ENOX1: variants seen among roughly 807,000 people sequenced by gnomAD.
ENOX1 encodes candidate growth-related and time keeping constitutive hydroquinone (NADH) oxidase.
Under a neutral mutation model 82.5 loss-of-function variants are expected in ENOX1, and 42 were observed. The observed-to-expected ratio is 0.51, with a 90% CI of 0.40 to 0.66. ENOX1 has a LOEUF of 0.66. Ranked by LOEUF, ENOX1 falls within the 30% of genes least tolerant of loss-of-function variation. The pLI is 0.00. For synonymous variants in ENOX1, 271 were observed against 282.2 expected (o/e 0.96, Z 0.40); for missense variants, 608 against 811.6 (o/e 0.75, Z 3.05).
At chr13:43,274,030 C>T in intron 12 of ENOX1, among the ~76,000 whole-genome samples, 1 of 152,080 alleles carries the variant, frequency 6.6e-6, no homozygotes, top group East Asian at 1.9e-4. Context: ...CCCACCAAAA[C>T]AACAAAAACA....
intron 2 of ENOX1, among the ~76,000 whole-genome samples, chr13:43,509,984 A>G (rs1346726160): frequency 6.6e-6 from 1 of 152,032 alleles, no homozygotes; most frequent in Non-Finnish European, 1.5e-5. Context: ...AGGGCTCAGA[A>G]AGTTTCATGA....
At chr13:43,478,392 T>C (rs565307054) in intron 3 of ENOX1, among the ~76,000 whole-genome samples, 26 of 152,212 alleles carry the variant, frequency 1.7e-4, no homozygotes, top group Admixed American at 2.6e-4. Flanking sequence ...ATACAGCTAG[T>C]AGTGCATTTC....
chr13:43,542,031 C>G (rs1417156288), intron 2 of ENOX1, among the ~76,000 whole-genome samples: 1 of 152,200 alleles, frequency 6.6e-6, no homozygotes, highest in African/African-American at 2.4e-5. Context: ...ATCCCCTCAG[C>G]AATCAATCTG....
chr13:43,719,268 C>T (rs2088381297), intron 1 of ENOX1, among the ~76,000 whole-genome samples: 1 of 149,766 alleles, frequency 6.7e-6, no homozygotes, highest in South Asian at 2.1e-4. Context: ...ATACCTACCA[C>T]TGAGTTGTAG....
At chr13:43,311,913 T>C (rs902474302) in intron 11 of ENOX1, among the ~76,000 whole-genome samples, 19 of 152,240 alleles carry the variant, frequency 1.2e-4, no homozygotes, top group South Asian at 2.1e-4. Context: ...GCTCGGTAGA[T>C]AAACTACACT....
At chr13:43,673,254 T>C (rs1300863582) in intron 1 of ENOX1, among the ~76,000 whole-genome samples, 1 of 151,996 alleles carries the variant, frequency 6.6e-6, no homozygotes. Flanking sequence ...CAAATCATGC[T>C]TACAAAACAA....
At chr13:43,335,941 G>C (rs934956216) in intron 9 of ENOX1, among the ~76,000 whole-genome samples, 1 of 152,050 alleles carries the variant, frequency 6.6e-6, no homozygotes, top group Non-Finnish European at 1.5e-5. Flanking sequence ...AGACCAAAGA[G>C]GTATTTTTTT....
chr13:43,692,453 T>G (rs1057170103), intron 1 of ENOX1, among the ~76,000 whole-genome samples: 2 of 151,888 alleles, frequency 1.3e-5, no homozygotes, highest in African/African-American at 4.8e-5. Flanking sequence ...GCTTTTCAAT[T>G]GGGAAAAAAA....
intron 5 of ENOX1, among the ~76,000 whole-genome samples, chr13:43,372,606 T>C (rs972580710): frequency 2.6e-5 from 4 of 152,046 alleles, no homozygotes; most frequent in Non-Finnish European, 5.9e-5. Context: ...AACAGGAACA[T>C]AACTGAAAGG....
intron 2 of ENOX1, among the ~76,000 whole-genome samples, chr13:43,588,071 G>A (rs2153723448): frequency 6.6e-6 from 1 of 152,240 alleles, no homozygotes; most frequent in Admixed American, 6.5e-5. Flanking sequence ...AGTGAAACGG[G>A]ATAAGCTTAG....
At chr13:43,709,522 AAC>A (rs1420014782) in intron 1 of ENOX1, among the ~76,000 whole-genome samples, 3 of 151,990 alleles carry the variant, frequency 2.0e-5, no homozygotes, top group Non-Finnish European at 2.9e-5. Flanking sequence ...AACAAATTGA[AAC>A]ACAAAAAAGG....
intron 12 of ENOX1, among the ~76,000 whole-genome samples, chr13:43,290,623 G>A (rs192392160): frequency 5.9e-4 from 90 of 152,254 alleles, no homozygotes; most frequent in African/African-American, 2.1e-3. Context: ...AGAAGGGCAC[G>A]GCTGCTGGAT....
rs767025580 is a variant in ENOX1, at chr13:43,326,508, C to T, written c.1054G>A (p.Val352Ile). The change falls in exon 10 of 17, where the codon GTT (valine) becomes ATT (isoleucine). Residue 352 changes from valine to isoleucine, a missense_variant. By Grantham distance (29) the Val-to-Ile change is conservative (BLOSUM62 3). Coordinates refer to ENST00000690772, the MANE Select transcript of ENOX1 (RefSeq NM_001347969.2). Reference protein sequence around the residue: ...ILTQFEQIVAVFNASTRQKAW... With the variant: ...ILTQFEQIVAIFNASTRQKAW... ...TTTTGTCTGGTAGAAGCGTTGAAAA[C>T]GGCCACAATCTGCTCAACTTTGGTG... The T allele has an allele frequency of 2.4e-5, 38 of 1,613,978 alleles. 1 individual carries two copies. The highest frequency in any genetic ancestry group is 1.1e-4 in the South Asian group (10 of 91,086).
rs779576411 is a variant in ENOX1, at chr13:43,301,962, CT to C, written c.1262-3433del. ...AAAATTCAGAAATTGGAAAGGGAAA[CT>C]TTTTATTTCTCTCTCTTCTCTTTCT... On this transcript the variant is annotated intron_variant, in intron 11 of 16. Transcript: ENST00000690772. Among the ~76,000 whole-genome samples the C allele has an allele frequency of 1.1e-4, 16 of 152,216 alleles. No homozygotes were observed. In the East Asian group the frequency reaches 3.1e-3, roughly 29 times the overall value.
At chr13:43,693,118 TAGAA>T (rs1336584348) in intron 1 of ENOX1, among the ~76,000 whole-genome samples, 1 of 152,146 alleles carries the variant, frequency 6.6e-6, no homozygotes, top group Non-Finnish European at 1.5e-5. Flanking sequence ...GAAAAAAACT[TAGAA>T]GGATATTTCT....
chr13:43,253,196 C>T (rs759575274), intron 14 of ENOX1, among the ~76,000 whole-genome samples: 3 of 152,206 alleles, frequency 2.0e-5, no homozygotes, highest in South Asian at 2.1e-4. Context: ...GCTGCTCTGC[C>T]GCCTGCCAGG....
chr13:43,237,232 A>C (rs928747717), intron 14 of ENOX1, among the ~76,000 whole-genome samples: 1 of 152,248 alleles, frequency 6.6e-6, no homozygotes, highest in Non-Finnish European at 1.5e-5. Context: ...GAATAAATGC[A>C]AGAGGCAGAT....
At chr13:43,317,296 T>G (rs2047557509) in intron 11 of ENOX1, among the ~76,000 whole-genome samples, 1 of 152,214 alleles carries the variant, frequency 6.6e-6, no homozygotes, top group Non-Finnish European at 1.5e-5. Context: ...CCCTTGCAGT[T>G]GGCCCCTTCA....
intron 3 of ENOX1, among the ~76,000 whole-genome samples, chr13:43,461,100 C>T (rs2057465195): frequency 6.6e-6 from 1 of 152,174 alleles, no homozygotes; most frequent in South Asian, 2.1e-4. Context: ...AAAGTGCTCC[C>T]TGATTTAACT....
Sources: allele counts gnomAD v4.1 joint callset (sites outside exome capture counted in the v4.1 genomes callset), GRCh38; gene constraint gnomAD v4.1.1; transcripts MANE v1.5; gene names NCBI Gene and HGNC (gene_info 2026-07-23, HGNC 2026-07-21).